The following EPHX1 variants were observed in gnomAD, a reference collection of about 807,000 sequenced individuals.
The protein encoded by EPHX1 is epoxide hydratase.
In EPHX1, 40 loss-of-function variants were observed where a neutral mutation model predicts 43.2. The observed-to-expected ratio is 0.93, with a 90% CI of 0.72 to 1.21. EPHX1 has a LOEUF of 1.21. EPHX1 is among the 50% of genes most tolerant of loss of function. EPHX1 has a pLI of 0.00. For synonymous variants in EPHX1, 221 were observed against 226.7 expected (o/e 0.98, Z 0.22); for missense variants, 550 against 570.4 (o/e 0.96, Z 0.36).
At chr1:225,838,947 C>T (rs758638031) in intron 4 of EPHX1, 66 bp downstream of exon 4, 132 of 1,555,404 alleles carry the variant, frequency 8.5e-5, no homozygotes, top group Non-Finnish European at 1.1e-4. Context: ...GTGTTCCCAC[C>T]AGGCTCTCCT....
chr1:225,829,648 T>C (rs1026626710), intron 2 of EPHX1, among the ~76,000 whole-genome samples: 2 of 152,062 alleles, frequency 1.3e-5, no homozygotes, highest in African/African-American at 4.8e-5. Flanking sequence ...TTTCTTTCAT[T>C]CCGTGGGTTT....
intron 1 of EPHX1, among the ~76,000 whole-genome samples, chr1:225,824,614 G>T (rs1197311256): frequency 2.0e-5 from 3 of 152,228 alleles, no homozygotes; most frequent in Non-Finnish European, 4.4e-5. Context: ...GGAGTAAGAG[G>T]AAAGCAAAGG....
At chr1:225,810,409 C>T (rs2102667120) in intron 1 of EPHX1, 1 of 151,506 alleles carries the variant, frequency 6.6e-6, no homozygotes, top group East Asian at 1.9e-4. Flanking sequence ...GGACTTCTCG[C>T]AGGGAATTCC....
chr1:225,825,757 C>A (rs1667201065), intron 1 of EPHX1, among the ~76,000 whole-genome samples: 1 of 152,216 alleles, frequency 6.6e-6, no homozygotes, highest in Admixed American at 6.5e-5. Context: ...CACAGCCCTG[C>A]CTTCCCAAGC....
intron 3 of EPHX1, among the ~76,000 whole-genome samples, chr1:225,834,053 G>C (rs1256895970): frequency 6.1e-4 from 82 of 133,968 alleles, no homozygotes; most frequent in African/African-American, 2.3e-3. Context: ...AGCCCAGATT[G>C]CGCCACTGCA....
chr1:225,824,913 G>A (rs2854451), intron 1 of EPHX1, among the ~76,000 whole-genome samples: 32,466 of 152,208 alleles, frequency 0.21, 4,147 homozygotes, highest in South Asian at 0.36. Flanking sequence ...ATTAAATAAA[G>A]GGCTGTTACT....
Position 225,828,827 on chromosome 1 carries a change from G to A in EPHX1, c.98G>A (p.Trp33Ter). Residue 33 changes from tryptophan to a stop codon, truncating the protein, a stop_gained, in exon 2 of 9, where the codon TGG becomes TAG. Coordinates refer to ENST00000272167, the MANE Select transcript of EPHX1 (RefSeq NM_001136018.4). LOFTEE classifies it high-confidence loss of function. ...KEETLPLEDG[W>*]WGPGTRSAAR... ...GAAACTTTGCCACTTGAAGATGGGT[G>A]GTGGGGGCCAGGCACGAGGTCCGCA... The A allele has an allele frequency of 6.2e-7, 1 of 1,613,404 alleles. No individual in the cohort carries two copies. The highest frequency in any genetic ancestry group is 8.5e-7 in the Non-Finnish European group (1 of 1,179,742).
At chr1:225,829,007 G>A in intron 2 of EPHX1, 95 bp downstream of exon 2, 1 of 1,413,770 alleles carries the variant, frequency 7.1e-7, no homozygotes, top group Non-Finnish European at 9.7e-7. Context: ...GAGGGGACGG[G>A]GGCTTGGGAA....
At chr1:225,812,306 G>C (rs1666520942) in intron 1 of EPHX1, among the ~76,000 whole-genome samples, 1 of 152,220 alleles carries the variant, frequency 6.6e-6, no homozygotes, top group Non-Finnish European at 1.5e-5. Flanking sequence ...GTGAACCTCA[G>C]CACCATCTGT....
intron 1 of EPHX1, among the ~76,000 whole-genome samples, chr1:225,821,526 G>GATT (rs1481472023): frequency 2.0e-5 from 3 of 147,736 alleles, no homozygotes; most frequent in African/African-American, 5.0e-5. Context: ...GATTACAGGT[G>GATT]TGAGCCACCA....
intron 2 of EPHX1, among the ~76,000 whole-genome samples, chr1:225,830,063 A>T (rs1272927705): frequency 6.6e-6 from 1 of 152,144 alleles, no homozygotes; most frequent in Non-Finnish European, 1.5e-5. Flanking sequence ...GGGCAACAAG[A>T]GTGAAATGCC....
intron 3 of EPHX1, among the ~76,000 whole-genome samples, chr1:225,837,041 AAT>A (rs1343521143): frequency 2.0e-5 from 3 of 152,206 alleles, no homozygotes; most frequent in Non-Finnish European, 2.9e-5. Context: ...GCTAACATAA[AAT>A]ATTAATAATG....
In EPHX1 at chr1:225,840,043, T is replaced by G; in HGVS notation, c.931+6T>G. ...CACCAAGCCTGACACCGTAGGTGAG[T>G]GTGCTCAGGGGTCCTCGCCCACTGC... On this transcript the variant is annotated splice_donor_region_variant and intron_variant, in intron 6 of 8. Transcript: ENST00000272167. The G allele has an allele frequency of 1.2e-6, 2 of 1,613,656 alleles. No individual in the cohort carries two copies. Among genetic ancestry groups the G allele is most frequent in the Non-Finnish European group, 1.7e-6 (2 of 1,179,898 alleles).
intron 2 of EPHX1, among the ~76,000 whole-genome samples, chr1:225,830,078 C>CA (rs1559020382): frequency 6.6e-6 from 1 of 151,884 alleles, no homozygotes; most frequent in South Asian, 2.1e-4. Flanking sequence ...AATGCCATCT[C>CA]AAAAAAAGAA....
chr1:225,834,900 G>A (rs1667868849), intron 3 of EPHX1, among the ~76,000 whole-genome samples: 2 of 152,284 alleles, frequency 1.3e-5, no homozygotes, highest in African/African-American at 2.4e-5. Context: ...GGCTGGGGAC[G>A]CATAGAGAGG....
chr1:225,826,687 G>T (rs1012643112), intron 1 of EPHX1, among the ~76,000 whole-genome samples: 1 of 152,150 alleles, frequency 6.6e-6, no homozygotes, highest in Non-Finnish European at 1.5e-5. Flanking sequence ...CAGGACGAAG[G>T]CTGCAGTCGG....
Position 225,839,838 on chromosome 1 carries a change from A to C in EPHX1, c.732A>C (p.Lys244Asn). 1 of 1,613,924 alleles carries C rather than the reference A, an allele frequency of 6.2e-7. No individual in the cohort carries two copies. The highest frequency in any genetic ancestry group is 1.1e-5 in the South Asian group (1 of 91,074). ...NMAQLVPSHV[K>N]GLHLNMALVL... ...CTCTCTCTGCCTTCAGCCACGTGAA[A>C]GGCCTGCACTTGAACATGGCTTTGG... is the stretch of plus-strand genomic sequence containing the variant. Residue 244 changes from lysine to asparagine, a missense_variant, in exon 6 of 9, where the codon AAA becomes AAC. Transcript: ENST00000272167.
intron 1 of EPHX1, among the ~76,000 whole-genome samples, chr1:225,826,169 A>G (rs1338160508): frequency 6.6e-6 from 1 of 152,134 alleles, no homozygotes; most frequent in Non-Finnish European, 1.5e-5. Flanking sequence ...GGATTGAAAG[A>G]TGAAAGCCAC....
At chr1:225,836,245 A>T (rs1393212706) in intron 3 of EPHX1, among the ~76,000 whole-genome samples, 2 of 152,178 alleles carry the variant, frequency 1.3e-5, no homozygotes, top group African/African-American at 4.8e-5. Flanking sequence ...AAACTGAGGA[A>T]ATCTGGCTCA....
Sources: allele counts gnomAD v4.1 joint callset (sites outside exome capture counted in the v4.1 genomes callset), GRCh38; gene constraint gnomAD v4.1.1; transcripts MANE v1.5; gene names NCBI Gene and HGNC (gene_info 2026-07-23, HGNC 2026-07-21).